HEPH: variants seen among roughly 807,000 people sequenced by gnomAD.
HEPH encodes hephaestin.
HEPH carries 69 observed loss-of-function variants against 80.8 expected under a neutral mutation model. The ratio of observed to expected loss-of-function variants is 0.85; its 90% CI spans 0.70 to 1.04. The LOEUF (loss-of-function observed/expected upper bound fraction) is 1.04, where lower values mean the gene tolerates loss of function less well. HEPH is among the 50% of genes least tolerant of loss of function. HEPH has a pLI of 0.00. For synonymous variants in HEPH, 431 were observed against 322.8 expected, an observed-to-expected ratio of 1.34 and a Z score of -3.60; for missense variants, 1,115 against 891.3, an observed-to-expected ratio of 1.25 and a Z score of -3.20.
At chrX:66,213,281 G>A (rs772819748) in intron 15 of HEPH, among the ~76,000 whole-genome samples, 9 of 108,766 alleles carry the variant, frequency 8.3e-5, no homozygotes, top group Non-Finnish European at 1.5e-4. Context: ...GAGAATATGC[G>A]GTGTTTGGTT....
intron 19 of HEPH, 27 bp downstream of exon 19, chrX:66,260,289 C>A (rs757491677): frequency 2.0e-5 from 23 of 1,143,763 alleles, no homozygotes; most frequent in Admixed American, 1.8e-4. Context: ...CCAAAATGAT[C>A]ATCTTCTAAC....
At chrX:66,260,067 C>G in intron 18 of HEPH, 33 bp from the exon 19 acceptor site, 1 of 1,185,433 alleles carries the variant, frequency 8.4e-7, no homozygotes, top group Non-Finnish European at 1.1e-6. Flanking sequence ...ATACCCTTCA[C>G]TTCCTCTCCC....
chrX:66,196,075 T>G (rs911764889), intron 9 of HEPH, among the ~76,000 whole-genome samples: 1 of 111,634 alleles, frequency 9.0e-6, no homozygotes, highest in Non-Finnish European at 1.9e-5. Context: ...AAATTTTGAT[T>G]GATTCTGCTT....
rs149830955 is a variant in HEPH at position 66,251,250 on chromosome X, G to A, written c.2564-3785G>A. Among the ~76,000 whole-genome samples, 217 of 111,691 alleles carry A rather than the reference G, an allele frequency of 1.9e-3. 1 individual carries two copies. The highest frequency in any genetic ancestry group is 2.8e-3 in the Non-Finnish European group (146 of 53,053). ...GGATTTCTGGATCATATAGTAAGGG[G>A]ATATTTAACTTTATAAGGAACTGCC... On this transcript the variant is annotated intron_variant, in intron 15 of 20. Transcript: ENST00000343002.
At chrX:66,175,467 T>A (rs1458567493) in intron 4 of HEPH, among the ~76,000 whole-genome samples, 1 of 112,023 alleles carries the variant, frequency 8.9e-6, no homozygotes, top group Non-Finnish European at 1.9e-5. Flanking sequence ...TTTTTTTTGC[T>A]TAGTCTTGCT....
At chrX:66,248,082 T>C (rs949232163) in intron 15 of HEPH, among the ~76,000 whole-genome samples, 2 of 110,641 alleles carry the variant, frequency 1.8e-5, no homozygotes, top group Non-Finnish European at 3.8e-5. Context: ...TCTCCATTTT[T>C]TTACTTACCT....
chrX:66,249,161 G>T (rs1022119766), intron 15 of HEPH, among the ~76,000 whole-genome samples: 1 of 111,179 alleles, frequency 9.0e-6, no homozygotes, highest in Admixed American at 9.6e-5. Context: ...TGGTAGACAT[G>T]GATAAGGAAT....
intron 4 of HEPH, among the ~76,000 whole-genome samples, chrX:66,174,379 A>G (rs143095255): frequency 0.074 from 8,231 of 111,715 alleles, 738 homozygotes; most frequent in African/African-American, 0.25. Context: ...CATCGTATAT[A>G]TGTACCACGG....
At chrX:66,216,143 G>T (rs2089380104) in intron 15 of HEPH, among the ~76,000 whole-genome samples, 1 of 111,272 alleles carries the variant, frequency 9.0e-6, no homozygotes, top group Non-Finnish European at 1.9e-5. Flanking sequence ...TCTCTTAGAG[G>T]CTCTATGACC....
At chrX:66,238,798 G>A (rs765525644) in intron 15 of HEPH, among the ~76,000 whole-genome samples, 51 of 112,066 alleles carry the variant, frequency 4.6e-4, no homozygotes, top group Middle Eastern at 4.6e-3. Context: ...ATTTACCCAC[G>A]TATTTATTAA....
In HEPH at chrX:66,211,609, G is replaced by C. The variant is rs181383487; in HGVS notation, c.2563+3363G>C. Among the ~76,000 whole-genome samples, 242 of 111,355 alleles carry C rather than the reference G, an allele frequency of 2.2e-3. 1 individual carries two copies. The highest frequency in any genetic ancestry group is 7.4e-3 in the African/African-American group (229 of 30,760). On this transcript the variant is annotated intron_variant, in intron 15 of 20. Transcript: ENST00000343002. Reference sequence around the variant, plus strand: ...ATGCAATGTTTGTCTTTTTGTGTCTGGTTTATTTTACTTAAGATAATGACC... The same window carrying C: ...ATGCAATGTTTGTCTTTTTGTGTCTCGTTTATTTTACTTAAGATAATGACC...
intron 20 of HEPH, 22 bp from the exon 21 acceptor site, chrX:66,266,418 A>G (rs747523363): frequency 1.9e-6 from 2 of 1,030,704 alleles, no homozygotes; most frequent in Non-Finnish European, 2.6e-6. Flanking sequence ...CAGGATGCCC[A>G]TTTTTTTTTT....
intron 15 of HEPH, among the ~76,000 whole-genome samples, chrX:66,240,128 G>T (rs965745631): frequency 4.5e-5 from 5 of 111,978 alleles, no homozygotes; most frequent in Non-Finnish European, 7.5e-5. Context: ...TGCAAAATAA[G>T]ATGGGTAATT....
chrX:66,194,592 G>A (rs2087986724), intron 8 of HEPH, among the ~76,000 whole-genome samples: 1 of 111,788 alleles, frequency 8.9e-6, no homozygotes, highest in South Asian at 3.8e-4. Flanking sequence ...ACAGTGCCTG[G>A]ATAGAAGATA....
Position 66,264,760 on chromosome X carries a change from G to A in HEPH, c.3244+1072G>A, listed in dbSNP as rs1602588422. 2.8e-5 allele frequency among the ~76,000 whole-genome samples: 3 copies of A among 105,409 alleles called. No individual in the cohort carries two copies. The Admixed American group carries it at 3.1e-4, about 11-fold the overall frequency. The allele number at this position is 105,409 out of a possible 115,157, so 91.5% of individuals were successfully genotyped here. On this transcript the variant is annotated intron_variant, in intron 20 of 20. Transcript: ENST00000343002. The stretch of plus-strand genomic sequence containing the variant: ...TGTGATTGTGTGGGTGGGCTTTCAG[G>A]CCATGTCTCTTTCAACCTGAGCAAC...
At chrX:66,180,346 C>A (rs891066739) in intron 4 of HEPH, among the ~76,000 whole-genome samples, 2 of 110,860 alleles carry the variant, frequency 1.8e-5, no homozygotes, top group Non-Finnish European at 3.8e-5. Context: ...AAAATGACTG[C>A]ATCTTTCCTT....
chrX:66,189,769 C>T lies in HEPH; in HGVS notation c.894C>T (p.Gly298=). ...KRVAWHLFGM[G]NEIDVHTAFF... The stretch of plus-strand genomic sequence containing the variant: ...TGGCCTGGCACTTGTTTGGCATGGG[C>T]AATGAAATTGATGTCCACACAGCAT... Residue 298 remains glycine, a synonymous_variant, in exon 6 of 21, where the codon GGC becomes GGT. Coordinates refer to ENST00000343002, the MANE Select transcript of HEPH (RefSeq NM_001367233.3). The T allele has an allele frequency of 2.5e-6, 3 of 1,210,936 alleles. No homozygotes were observed. The highest frequency in any genetic ancestry group is 3.4e-6 in the Non-Finnish European group (3 of 895,163).
intron 4 of HEPH, among the ~76,000 whole-genome samples, chrX:66,177,616 C>T (rs1001240293): frequency 4.5e-5 from 5 of 111,438 alleles, no homozygotes; most frequent in African/African-American, 1.3e-4. Flanking sequence ...CTCTTCTTTT[C>T]TTGGTTAATC....
At chrX:66,221,956 C>T (rs1483422639) in intron 15 of HEPH, among the ~76,000 whole-genome samples, 2 of 112,151 alleles carry the variant, frequency 1.8e-5, no homozygotes, top group African/African-American at 6.5e-5. Flanking sequence ...TCTTATTTTT[C>T]CTCCCTATGG....
Sources: allele counts gnomAD v4.1 joint callset (sites outside exome capture counted in the v4.1 genomes callset), GRCh38; gene constraint gnomAD v4.1.1; transcripts MANE v1.5; gene names NCBI Gene and HGNC (gene_info 2026-07-23, HGNC 2026-07-21).